Variants in CLASP1 observed in about 807,000 individuals in gnomAD.
CLASP1 encodes the protein CLIP-associating protein 1.
CLASP1 carries 38 observed loss-of-function variants against 192.3 expected under a neutral mutation model. The observed-to-expected ratio is 0.20, with a 90% CI of 0.15 to 0.26. CLASP1 has a LOEUF of 0.26. Among genes scored for constraint, CLASP1 ranks in the 10% least tolerant of loss-of-function variants. CLASP1 has a pLI of 1.00. For missense variants in CLASP1, 1,433 were observed against 1,932.5 expected (o/e 0.74, Z 4.85); for synonymous variants, 691 against 712.8 (o/e 0.97, Z 0.49).
intron 14 of CLASP1, among the ~76,000 whole-genome samples, chr2:121,455,970 T>C (rs1428801048): frequency 6.6e-6 from 1 of 151,992 alleles, no homozygotes; most frequent in African/African-American, 2.4e-5. Flanking sequence ...GTCAGGTAGA[T>C]AGGAGTAAGT....
At chr2:121,342,956 G>A (rs994477271) in intron 39 of CLASP1, among the ~76,000 whole-genome samples, 1 of 152,040 alleles carries the variant, frequency 6.6e-6, no homozygotes, top group South Asian at 2.1e-4. Context: ...GCACAGACAT[G>A]GTCTTGCTGT....
intron 8 of CLASP1, among the ~76,000 whole-genome samples, chr2:121,486,620 T>A (rs2092993915): frequency 6.6e-6 from 1 of 152,216 alleles, no homozygotes; most frequent in Non-Finnish European, 1.5e-5. Flanking sequence ...CTGACCCAAT[T>A]CTTTTTGACA....
chr2:121,490,457 T>C, intron 8 of CLASP1: 2 of 230,570 alleles, frequency 8.7e-6, no homozygotes, highest in South Asian at 9.1e-5. Flanking sequence ...CTAACAATGA[T>C]TTTGTAAAAA....
At chr2:121,371,240 T>TA (rs1000941906) in intron 34 of CLASP1, among the ~76,000 whole-genome samples, 82 of 150,606 alleles carry the variant, frequency 5.4e-4, no homozygotes, top group East Asian at 3.3e-3. Flanking sequence ...TATATATATA[T>TA]TTTTTTAAGG....
intron 19 of CLASP1, among the ~76,000 whole-genome samples, chr2:121,430,886 A>G (rs776131305): frequency 6.6e-6 from 1 of 152,146 alleles, no homozygotes; most frequent in Non-Finnish European, 1.5e-5. Context: ...AATTACAGCA[A>G]TTATTGAACC....
At chr2:121,557,131 C>A (rs2058632719) in intron 2 of CLASP1, among the ~76,000 whole-genome samples, 2 of 152,234 alleles carry the variant, frequency 1.3e-5, no homozygotes, top group South Asian at 4.1e-4. Flanking sequence ...ATCCCTGTTG[C>A]TGGGCCCTGC....
At chr2:121,512,056 A>C (rs770175084) in intron 7 of CLASP1, among the ~76,000 whole-genome samples, 2 of 152,240 alleles carry the variant, frequency 1.3e-5, no homozygotes, top group African/African-American at 2.4e-5. Flanking sequence ...AATATTATGA[A>C]ATGTGTTTTT....
chr2:121,437,442 A>C (rs2082498353), intron 19 of CLASP1, among the ~76,000 whole-genome samples: 1 of 152,206 alleles, frequency 6.6e-6, no homozygotes, highest in Non-Finnish European at 1.5e-5. Flanking sequence ...GGAATTCTTT[A>C]AGATCTAGAT....
intron 6 of CLASP1, among the ~76,000 whole-genome samples, chr2:121,516,709 T>C (rs1018580441): frequency 2.6e-5 from 4 of 152,210 alleles, no homozygotes; most frequent in African/African-American, 9.6e-5. Context: ...AAATGATACA[T>C]ACACACTGAT....
chr2:121,364,848 G>C, intron 36 of CLASP1: 1 of 521,224 alleles, frequency 1.9e-6, no homozygotes, highest in Non-Finnish European at 3.5e-6. Flanking sequence ...CAGGAATGAA[G>C]TTTCCTCAAC....
intron 26 of CLASP1, among the ~76,000 whole-genome samples, chr2:121,402,332 A>G (rs1002676330): frequency 2.0e-5 from 3 of 152,230 alleles, no homozygotes; most frequent in African/African-American, 7.2e-5. Flanking sequence ...ATTTTTGCTA[A>G]GGCAAAATAG....
intron 30 of CLASP1, among the ~76,000 whole-genome samples, chr2:121,390,467 T>C (rs528155784): frequency 3.6e-4 from 55 of 152,336 alleles, no homozygotes; most frequent in African/African-American, 1.3e-3. Context: ...AATGAAATGA[T>C]TCTCACACAC....
At chr2:121,560,798 G>T (rs181294523) in intron 2 of CLASP1, among the ~76,000 whole-genome samples, 1 of 152,328 alleles carries the variant, frequency 6.6e-6, no homozygotes, top group Non-Finnish European at 1.5e-5. Context: ...GCAGTGGCGC[G>T]ATCTCAGCTC....
At chr2:121,611,123 A>AGGAGTT (rs2065364558) in intron 1 of CLASP1, among the ~76,000 whole-genome samples, 1 of 137,480 alleles carries the variant, frequency 7.3e-6, no homozygotes, top group East Asian at 2.3e-4. Context: ...CTGGAGGAGG[A>AGGAGTT]GGAGGAGTTA....
chr2:121,373,336 A>G (rs927198823), intron 34 of CLASP1, among the ~76,000 whole-genome samples: 1 of 152,212 alleles, frequency 6.6e-6, no homozygotes, highest in Non-Finnish European at 1.5e-5. Flanking sequence ...TATAGTCTGT[A>G]GAACTGTGAG....
At chr2:121,410,610 T>C (rs1203612536) in intron 24 of CLASP1, among the ~76,000 whole-genome samples, 5 of 152,170 alleles carry the variant, frequency 3.3e-5, no homozygotes. Flanking sequence ...CAAAAGCTCC[T>C]TGATACTGAA....
At chr2:121,365,347 A>C in intron 35 of CLASP1, 63 bp from the exon 37 acceptor site, 1 of 1,416,732 alleles carries the variant, frequency 7.1e-7, no homozygotes, top group Non-Finnish European at 9.7e-7. Context: ...GGGCTTGCTC[A>C]GTGGTGCGCA....
intron 34 of CLASP1, among the ~76,000 whole-genome samples, chr2:121,373,170 A>G (rs2069131229): frequency 6.6e-6 from 1 of 152,124 alleles, no homozygotes; most frequent in Non-Finnish European, 1.5e-5. Flanking sequence ...CATGATAGTG[A>G]GTGAGTTCTC....
intron 1 of CLASP1, among the ~76,000 whole-genome samples, chr2:121,630,353 A>T (rs2069272656): frequency 6.6e-6 from 1 of 151,352 alleles, no homozygotes; most frequent in Admixed American, 6.6e-5. Context: ...AACTACAGAA[A>T]GTTTGGTAGA....
Sources: gnomAD v4.1 joint callset for allele counts (sites outside exome capture counted in the v4.1 genomes callset) on GRCh38, gnomAD v4.1.1 for gene constraint, MANE v1.5 for transcripts, NCBI Gene and HGNC (gene_info 2026-07-23, HGNC 2026-07-21) for gene names.